GYPC: variants seen among roughly 807,000 people sequenced by gnomAD.
The protein encoded by GYPC is glycophorin C (Gerbich blood group).
In GYPC, 14 loss-of-function variants were observed where a neutral mutation model predicts 12.6. The ratio of observed to expected loss-of-function variants is 1.11; its 90% CI spans 0.74 to 1.74. The LOEUF is 1.74. GYPC is among the 40% of genes most tolerant of loss of function. The probability of loss-of-function intolerance (pLI) is 0.00; values close to 1 mark genes in which losing one functional copy is unlikely to be tolerated. For missense variants in GYPC, 225 were observed against 172.1 expected (o/e 1.31, Z -1.72); for synonymous variants, 78 against 62.1 (o/e 1.26, Z -1.20).
chr2:126,691,722 T>G (rs1345521948), intron 2 of GYPC, among the ~76,000 whole-genome samples: 1 of 152,154 alleles, frequency 6.6e-6, no homozygotes, highest in Admixed American at 6.6e-5. Context: ...CATGTTAAAT[T>G]GCTTTAAATG....
intron 1 of GYPC, among the ~76,000 whole-genome samples, chr2:126,672,118 T>TCC (rs1253213876): frequency 6.6e-6 from 1 of 152,004 alleles, no homozygotes; most frequent in Non-Finnish European, 1.5e-5. Context: ...GGTGGACAGG[T>TCC]GAGGTGGTAG....
At chr2:126,664,257 C>T (rs1374888966) in intron 1 of GYPC, among the ~76,000 whole-genome samples, 1 of 152,070 alleles carries the variant, frequency 6.6e-6, no homozygotes. Flanking sequence ...GAGCCATCCT[C>T]CTCATCTGGT....
At chr2:126,662,398 T>C (rs1381664247) in intron 1 of GYPC, among the ~76,000 whole-genome samples, 1 of 152,190 alleles carries the variant, frequency 6.6e-6, no homozygotes. Flanking sequence ...TCCCCTTCTG[T>C]ATTTTTTCTT....
chr2:126,682,884 A>G (rs937966717), intron 1 of GYPC, among the ~76,000 whole-genome samples: 1 of 152,322 alleles, frequency 6.6e-6, no homozygotes, highest in East Asian at 1.9e-4. Flanking sequence ...CGTAAGAGCC[A>G]CTAGAATCGC....
chr2:126,679,741 G>A (rs1484009775), intron 1 of GYPC: 1 of 152,160 alleles, frequency 6.6e-6, no homozygotes, highest in African/African-American at 2.4e-5. Flanking sequence ...AGGTGTGGTG[G>A]TGCATACCTG....
intron 1 of GYPC, among the ~76,000 whole-genome samples, chr2:126,676,987 C>T (rs1026428425): frequency 6.6e-6 from 1 of 152,172 alleles, no homozygotes; most frequent in Non-Finnish European, 1.5e-5. Context: ...TCAAGGTACC[C>T]AGCTGCTCCA....
intron 1 of GYPC, among the ~76,000 whole-genome samples, chr2:126,661,721 G>A (rs891344792): frequency 1.3e-5 from 2 of 151,890 alleles, no homozygotes; most frequent in African/African-American, 4.8e-5. Flanking sequence ...CAAAGTGCTG[G>A]GATTGATTAC....
intron 1 of GYPC, among the ~76,000 whole-genome samples, chr2:126,663,290 C>A (rs1383840600): frequency 6.6e-6 from 1 of 152,216 alleles, no homozygotes; most frequent in Non-Finnish European, 1.5e-5. Context: ...CCCACCTTGG[C>A]CTCCCAAAGT....
chr2:126,685,270 A>T (rs10166038), intron 1 of GYPC, among the ~76,000 whole-genome samples: 41,593 of 152,158 alleles, frequency 0.27, 6,145 homozygotes, highest in Non-Finnish European at 0.34. Flanking sequence ...AGAAGCACTT[A>T]CCATGTCCCC....
intron 1 of GYPC, among the ~76,000 whole-genome samples, chr2:126,669,335 C>T (rs1338279743): frequency 2.6e-5 from 4 of 152,196 alleles, no homozygotes; most frequent in African/African-American, 9.7e-5. Flanking sequence ...CATGCCCCCT[C>T]CTCAGGGTAC....
intron 1 of GYPC, among the ~76,000 whole-genome samples, chr2:126,663,123 C>T (rs1320893462): frequency 8.5e-5 from 13 of 152,150 alleles, no homozygotes; most frequent in Non-Finnish European, 1.6e-4. Context: ...CTGCAACCTC[C>T]GACTCCCTGG....
At chr2:126,667,622 C>T (rs553973301) in intron 1 of GYPC, among the ~76,000 whole-genome samples, 1 of 152,216 alleles carries the variant, frequency 6.6e-6, no homozygotes, top group East Asian at 1.9e-4. Context: ...AGGCTGGTCT[C>T]AAACTCCCGA....
At chr2:126,656,422 G>T in intron 1 of GYPC, 110 bp downstream of exon 1, 3 of 933,532 alleles carry the variant, frequency 3.2e-6, no homozygotes, top group East Asian at 2.9e-5. Context: ...GGTCCGTGCC[G>T]GGCCTCCAGG....
Position 126,696,144 on chromosome 2 carries a change from G to A in GYPC, c.*2G>A, listed in dbSNP as rs771747154. 2.0e-5 allele frequency: 32 copies of A among 1,610,610 alleles called. No individual in the cohort carries two copies. The highest frequency in any genetic ancestry group is 2.5e-5 in the Non-Finnish European group (30 of 1,177,020). ...AGCAGAAAGGAGTACTTTATTTGAG[G>A]GACAACAGACTTCACTTCCCTGAAT... On this transcript the variant is annotated 3_prime_UTR_variant, in exon 4 of 4. Transcript: ENST00000259254.
chr2:126,684,415 C>T (rs1453275658), intron 1 of GYPC, among the ~76,000 whole-genome samples: 1 of 152,102 alleles, frequency 6.6e-6, no homozygotes, highest in Non-Finnish European at 1.5e-5. Context: ...AGCTCTCCAC[C>T]CAACCCAGAG....
At chr2:126,670,049 C>T (rs1055921038) in intron 1 of GYPC, among the ~76,000 whole-genome samples, 1 of 152,192 alleles carries the variant, frequency 6.6e-6, no homozygotes, top group Non-Finnish European at 1.5e-5. Context: ...GCCTCCTGCC[C>T]TGAGAGCCCC....
chr2:126,693,981 A>T lies in GYPC; in HGVS notation c.190+34A>T, dbSNP rs1382173750. 3 of 1,401,164 alleles carry T rather than the reference A, an allele frequency of 2.1e-6. No homozygotes were observed. The Admixed American group carries it at 5.0e-5, about 23-fold the overall frequency. The allele number at this position is 1,401,164 out of a possible 1,614,324, so 86.8% of individuals were successfully genotyped here. On this transcript the variant is annotated intron_variant, in intron 3 of 3. Coordinates refer to ENST00000259254, the MANE Select transcript of GYPC (RefSeq NM_002101.5). ...TCATCACAGAGCCCTTCAAGCAGCC[A>T]GGGTGGGGGGCCTTGGTGAAAACAT... is the stretch of plus-strand genomic sequence containing the variant.
At chr2:126,689,572 G>A (rs1683394709) in intron 1 of GYPC, among the ~76,000 whole-genome samples, 1 of 150,890 alleles carries the variant, frequency 6.6e-6, no homozygotes, top group African/African-American at 2.5e-5. Context: ...CCCCTTGAGG[G>A]AGGGAGGGAG....
chr2:126,686,376 G>T, intron 1 of GYPC: 2 of 985,784 alleles, frequency 2.0e-6, no homozygotes, highest in Non-Finnish European at 2.4e-6. Flanking sequence ...TCCAGGGGTG[G>T]CTGCCTTCTG....
Sources: allele counts gnomAD v4.1 joint callset (sites outside exome capture counted in the v4.1 genomes callset), GRCh38; gene constraint gnomAD v4.1.1; transcripts MANE v1.5; gene names NCBI Gene and HGNC (gene_info 2026-07-23, HGNC 2026-07-21).